NEK7: variants seen among roughly 807,000 people sequenced by gnomAD.
The protein encoded by NEK7 is NIMA related kinase 7.
A neutral mutation model predicts 44.6 loss-of-function variants in NEK7; 18 were observed. The ratio of observed to expected loss-of-function variants is 0.40; its 90% confidence interval spans 0.28 to 0.60. The LOEUF is 0.60. Ranked by LOEUF, NEK7 falls within the 20% of genes least tolerant of loss-of-function variation. NEK7 has a pLI of 0.38. For synonymous variants in NEK7, 130 were observed against 121.1 expected (o/e 1.07, Z -0.48); for missense variants, 256 against 366.5 (o/e 0.70, Z 2.46).
At chr1:198,292,746 G>A (rs2103007448) in intron 7 of NEK7, among the ~76,000 whole-genome samples, 199 bp from the exon 8 acceptor site, 1 of 151,918 alleles carries the variant, frequency 6.6e-6, no homozygotes, top group South Asian at 2.1e-4. Flanking sequence ...ATTGTTTAGT[G>A]CAGTTGTTAG....
intron 1 of NEK7, among the ~76,000 whole-genome samples, chr1:198,171,708 AT>A (rs1359425459): frequency 1.3e-5 from 2 of 151,702 alleles, no homozygotes; most frequent in Non-Finnish European, 2.9e-5. Context: ...AACCTTTATG[AT>A]TTTGGCCTTG....
chr1:198,217,999 A>G (rs559271361), intron 1 of NEK7, among the ~76,000 whole-genome samples: 1 of 152,110 alleles, frequency 6.6e-6, no homozygotes, highest in Admixed American at 6.6e-5. Context: ...GAAAATGACC[A>G]TACTGCCTAA....
At chr1:198,276,927 T>C (rs1654034553) in intron 5 of NEK7, among the ~76,000 whole-genome samples, 1 of 151,680 alleles carries the variant, frequency 6.6e-6, no homozygotes, top group South Asian at 2.1e-4. Flanking sequence ...TTTTCTCAAG[T>C]ATAGTTCCTC....
chr1:198,211,927 C>A (rs938750080), intron 1 of NEK7, among the ~76,000 whole-genome samples: 1 of 152,222 alleles, frequency 6.6e-6, no homozygotes, highest in African/African-American at 2.4e-5. Context: ...CAGACGGTGA[C>A]ACACACTCCC....
chr1:198,270,039 A>G (rs1394952179), intron 5 of NEK7, among the ~76,000 whole-genome samples: 1 of 152,028 alleles, frequency 6.6e-6, no homozygotes, highest in Non-Finnish European at 1.5e-5. Flanking sequence ...AGTATGTCTT[A>G]TTATACTGTT....
chr1:198,263,070 T>G (rs1175826256), intron 4 of NEK7, among the ~76,000 whole-genome samples: 1 of 151,876 alleles, frequency 6.6e-6, no homozygotes, highest in Admixed American at 6.6e-5. Context: ...TTAGACAGAG[T>G]GCATGTAAAG....
chr1:198,191,192 CTT>C lies in NEK7; in HGVS notation c.-29+33918_-29+33919del, dbSNP rs1001624324. ...TGCTGTCCTGAACATTTTTGTATGT[CTT>C]TGTGCATATGTTAGAGTTTTTTTGG... On this transcript the variant is annotated intron_variant, in intron 1 of 9. Transcript: ENST00000367385. Among the ~76,000 whole-genome samples, 46 of 152,038 alleles carry C rather than the reference CTT, an allele frequency of 3.0e-4. No homozygotes were observed. In the Middle Eastern group the frequency reaches 0.021, roughly 68 times the overall value.
At chr1:198,291,820 C>T (rs1220116256) in intron 7 of NEK7, among the ~76,000 whole-genome samples, 1 of 152,002 alleles carries the variant, frequency 6.6e-6, no homozygotes, top group African/African-American at 2.4e-5. Context: ...TAGGTTATAA[C>T]TTTATTCTTT....
chr1:198,312,208 T>A (rs1021956901), intron 9 of NEK7, among the ~76,000 whole-genome samples: 1 of 151,932 alleles, frequency 6.6e-6, no homozygotes, highest in East Asian at 1.9e-4. Flanking sequence ...TCTTCTAGAT[T>A]TTCTAGTTTA....
At chr1:198,287,240 G>A (rs1230137195) in intron 7 of NEK7, among the ~76,000 whole-genome samples, 5 of 152,092 alleles carry the variant, frequency 3.3e-5, no homozygotes, top group Admixed American at 6.5e-5. Flanking sequence ...CCGGCACTTT[G>A]GGAGGCCGAA....
intron 3 of NEK7, among the ~76,000 whole-genome samples, chr1:198,254,360 A>T (rs1475423): frequency 0.049 from 7,382 of 152,134 alleles, 274 homozygotes; most frequent in East Asian, 0.17. Context: ...TGTTTTTCCT[A>T]CATTGGTATG....
chr1:198,202,116 A>G (rs751488853), intron 1 of NEK7, among the ~76,000 whole-genome samples: 4 of 152,198 alleles, frequency 2.6e-5, no homozygotes, highest in Admixed American at 1.3e-4. Flanking sequence ...AGCCACGTCT[A>G]TTTCCAAACC....
intron 1 of NEK7, among the ~76,000 whole-genome samples, chr1:198,180,500 T>C (rs1664734963): frequency 6.6e-6 from 1 of 152,050 alleles, no homozygotes; most frequent in Non-Finnish European, 1.5e-5. Context: ...AGGAAGGGCA[T>C]TGAGAAGCTT....
At position 198,298,347 on chromosome 1, in the gene NEK7, C is replaced by T. The variant is rs183242837; in HGVS notation, c.798+1107C>T. ...AATAAATATCTCTAAAGAATTTTCA[C>T]CACATGTAAAGCATTTGTGTTCCTA... On this transcript the variant is annotated intron_variant, in intron 9 of 9. Coordinates refer to ENST00000367385, the MANE Select transcript of NEK7 (RefSeq NM_133494.3). 1.8e-3 allele frequency among the ~76,000 whole-genome samples: 270 copies of T among 152,274 alleles called. 2 individuals are homozygous for T. Among genetic ancestry groups the T allele is most frequent in the African/African-American group, 6.2e-3 (258 of 41,558 alleles).
intron 3 of NEK7, among the ~76,000 whole-genome samples, chr1:198,257,181 T>C (rs149857994): frequency 4.6e-5 from 7 of 152,326 alleles, no homozygotes; most frequent in African/African-American, 1.4e-4. Flanking sequence ...AATAATACTT[T>C]ATGTATTTAT....
At chr1:198,238,714 A>G (rs1041376505) in intron 2 of NEK7, among the ~76,000 whole-genome samples, 1 of 152,214 alleles carries the variant, frequency 6.6e-6, no homozygotes, top group Non-Finnish European at 1.5e-5. Flanking sequence ...TCACATAGCT[A>G]GTAAGTAGTG....
At chr1:198,275,451 A>G (rs1653986674) in intron 5 of NEK7, among the ~76,000 whole-genome samples, 3 of 150,988 alleles carry the variant, frequency 2.0e-5, no homozygotes, top group Admixed American at 6.6e-5. Context: ...AAAACTTACT[A>G]TATAACAAAT....
Position 198,253,021 on chromosome 1 carries a change from C to G in NEK7, c.58-19C>G, listed in dbSNP as rs993735772. 2 of 1,592,520 alleles carry G rather than the reference C, an allele frequency of 1.3e-6. No homozygotes were observed. The highest frequency in any genetic ancestry group is 1.7e-6 in the Non-Finnish European group (2 of 1,169,274). On this transcript the variant is annotated intron_variant, in intron 2 of 9. Coordinates refer to ENST00000367385, the MANE Select transcript of NEK7 (RefSeq NM_133494.3). ...GTATATTGTGTGATTGAAAATTTTT[C>G]TGACATTTTTAATTACAGAAGGCCT...
intron 7 of NEK7, among the ~76,000 whole-genome samples, chr1:198,285,058 A>C (rs1305999882): frequency 6.6e-6 from 1 of 151,304 alleles, no homozygotes; most frequent in African/African-American, 2.4e-5. Context: ...CTCCCACTCC[A>C]CCCCTAGAAC....
Sources: allele counts gnomAD v4.1 joint callset (sites outside exome capture counted in the v4.1 genomes callset), GRCh38; gene constraint gnomAD v4.1.1; transcripts MANE v1.5; gene names NCBI Gene and HGNC (gene_info 2026-07-23, HGNC 2026-07-21).